Variants in SNX29 observed in about 807,000 individuals in gnomAD.
SNX29 encodes sorting nexin-29.
A neutral mutation model predicts 102.1 loss-of-function variants in SNX29; 78 were observed. The observed-to-expected ratio is 0.76, with a 90% CI of 0.64 to 0.92. The LOEUF is 0.92. Among genes scored for constraint, SNX29 ranks in the 40% least tolerant of loss-of-function variants. The pLI, the probability that SNX29 is intolerant of heterozygous loss-of-function variation, is 0.00. For synonymous variants in SNX29, 580 were observed against 414.5 expected (o/e 1.40, Z -4.85); for missense variants, 1,280 against 1,061.7 (o/e 1.21, Z -2.86).
intron 16 of SNX29, among the ~76,000 whole-genome samples, chr16:12,387,360 A>C (rs1250142408): frequency 2.6e-5 from 4 of 152,068 alleles, no homozygotes; most frequent in Admixed American, 2.6e-4. Flanking sequence ...CTACTGGTCT[A>C]CTTGGGATAG....
intron 11 of SNX29, among the ~76,000 whole-genome samples, chr16:12,083,198 C>T (rs1180323747): frequency 6.6e-6 from 1 of 151,086 alleles, no homozygotes; most frequent in East Asian, 2.0e-4. Context: ...CTCGGCTACT[C>T]GGGATGCAGA....
chr16:12,485,704 A>T (rs1417440193), intron 19 of SNX29, among the ~76,000 whole-genome samples: 1 of 152,168 alleles, frequency 6.6e-6, no homozygotes, highest in East Asian at 1.9e-4. Flanking sequence ...GGGGCATTGA[A>T]GGCGAATTAA....
chr16:11,978,071 TGTTG>T (rs141827577), intron 1 of SNX29, among the ~76,000 whole-genome samples: 29 of 152,336 alleles, frequency 1.9e-4, no homozygotes, highest in African/African-American at 5.8e-4. Context: ...GGACCTTTTT[TGTTG>T]GTTGGTTGTT....
chr16:12,036,357 C>G (rs1567550346), intron 4 of SNX29, among the ~76,000 whole-genome samples: 1 of 122,558 alleles, frequency 8.2e-6, no homozygotes, highest in Non-Finnish European at 1.6e-5. Context: ...TTTTTTGAGA[C>G]AGAGTCTTGC....
At chr16:12,500,819 G>T (rs2089084378) in intron 19 of SNX29, among the ~76,000 whole-genome samples, 1 of 152,210 alleles carries the variant, frequency 6.6e-6, no homozygotes. Flanking sequence ...GCACTGTTGT[G>T]TGTCATTTTT....
chr16:12,553,676 C>T (rs577967212), intron 20 of SNX29, among the ~76,000 whole-genome samples: 11 of 149,122 alleles, frequency 7.4e-5, no homozygotes, highest in East Asian at 2.0e-4. Context: ...CTGCAACCTC[C>T]GCCTCCTGGG....
chr16:12,221,307 G>A (rs1048944540), intron 14 of SNX29, among the ~76,000 whole-genome samples: 2 of 152,118 alleles, frequency 1.3e-5, no homozygotes, highest in African/African-American at 2.4e-5. Flanking sequence ...CCCTCGTCTT[G>A]TTCCTGTCCA....
At chr16:12,126,096 A>G (rs2054203812) in intron 11 of SNX29, among the ~76,000 whole-genome samples, 1 of 152,200 alleles carries the variant, frequency 6.6e-6, no homozygotes, top group Non-Finnish European at 1.5e-5. Flanking sequence ...AGGTTGAGGT[A>G]TACAGGAGCT....
intron 20 of SNX29, among the ~76,000 whole-genome samples, chr16:12,533,333 C>T (rs930344393): frequency 1.3e-5 from 2 of 152,182 alleles, no homozygotes; most frequent in African/African-American, 2.4e-5. Context: ...ACCTGTGGCC[C>T]TGTGGGTCCT....
Position 12,248,021 on chromosome 16 carries a change from A to G in SNX29, c.1679-29912A>G, listed in dbSNP as rs569457813. Among the ~76,000 whole-genome samples, 11 of 152,204 alleles carry G rather than the reference A, an allele frequency of 7.2e-5. No homozygotes were observed. In the South Asian group the frequency reaches 1.9e-3, roughly 26 times the overall value. On this transcript the variant is annotated intron_variant, in intron 14 of 20. Transcript: ENST00000566228. Reference sequence around the variant, plus strand: ...CCACCTCCCCAGGCCCACCGTAATCAGATGCTGAGATTGTCACAGCAGCTT... The same window carrying G: ...CCACCTCCCCAGGCCCACCGTAATCGGATGCTGAGATTGTCACAGCAGCTT...
At chr16:12,488,209 G>T (rs762345754) in intron 19 of SNX29, among the ~76,000 whole-genome samples, 1 of 152,014 alleles carries the variant, frequency 6.6e-6, no homozygotes. Flanking sequence ...TTGCTGTTCT[G>T]TTCCCATCCT....
intron 13 of SNX29, among the ~76,000 whole-genome samples, chr16:12,145,718 TA>T (rs1424102679): frequency 6.6e-6 from 1 of 152,252 alleles, no homozygotes; most frequent in Non-Finnish European, 1.5e-5. Context: ...AAAAGTTTTT[TA>T]TTACAATAAT....
chr16:12,069,791 C>T (rs1294868366), intron 10 of SNX29, among the ~76,000 whole-genome samples: 6 of 152,164 alleles, frequency 3.9e-5, no homozygotes, highest in East Asian at 3.9e-4. Context: ...GCTGTGTTCA[C>T]GCCATTCTCC....
At chr16:12,483,921 C>T (rs1163914363) in intron 19 of SNX29, among the ~76,000 whole-genome samples, 1 of 152,206 alleles carries the variant, frequency 6.6e-6, no homozygotes, top group Non-Finnish European at 1.5e-5. Context: ...CTTGGCCATG[C>T]CTAATGCCCA....
chr16:12,162,755 G>A (rs1045595725), intron 13 of SNX29, among the ~76,000 whole-genome samples: 1 of 152,212 alleles, frequency 6.6e-6, no homozygotes, highest in Non-Finnish European at 1.5e-5. Context: ...GCTCGTAGGA[G>A]GTGCGTAGTA....
At chr16:12,476,391 TATATATATATA>T (rs1426428932) in intron 18 of SNX29, among the ~76,000 whole-genome samples, 1 of 14,068 alleles carries the variant, frequency 7.1e-5, no homozygotes, top group African/African-American at 4.4e-4. Flanking sequence ...AAAATATATA[TATATATATATA>T]TATATATATA....
chr16:12,543,857 G>T (rs1198589994), intron 20 of SNX29, among the ~76,000 whole-genome samples: 2 of 152,206 alleles, frequency 1.3e-5, no homozygotes, highest in Non-Finnish European at 2.9e-5. Context: ...GCCAGTGGTG[G>T]AACATCCTCT....
intron 15 of SNX29, among the ~76,000 whole-genome samples, chr16:12,279,156 C>T (rs184832164): frequency 1.4e-4 from 21 of 152,192 alleles, no homozygotes; most frequent in Non-Finnish European, 2.6e-4. Flanking sequence ...AGCAAACTTT[C>T]GGTTCTTTCT....
At position 12,570,813 on chromosome 16, in the gene SNX29, G is replaced by A. The variant is rs189422590; in HGVS notation, c.*2184G>A. ...CCCCATTGCTGAGAGATACTAACCC[G>A]TGAGAAACAAGTATGCTCTCAGCTG... On this transcript the variant is annotated 3_prime_UTR_variant, in exon 21 of 21. Coordinates refer to ENST00000566228, the MANE Select transcript of SNX29 (RefSeq NM_032167.5). The A allele has an allele frequency of 4.3e-5, 10 of 232,150 alleles. No homozygotes were observed. The highest frequency in any genetic ancestry group is 1.7e-4 in the Admixed American group (3 of 17,754). The allele number at this position is 232,150 out of a possible 1,614,324, so 14.4% of individuals were successfully genotyped here.
Sources: gnomAD v4.1 joint callset for allele counts (sites outside exome capture counted in the v4.1 genomes callset) on GRCh38, gnomAD v4.1.1 for gene constraint, MANE v1.5 for transcripts, NCBI Gene and HGNC (gene_info 2026-07-23, HGNC 2026-07-21) for gene names.